Variants in FRYL observed in about 807,000 individuals in gnomAD.
The protein encoded by FRYL is protein furry homolog-like.
FRYL carries 150 observed loss-of-function variants against 351.2 expected under a neutral mutation model. The observed-to-expected ratio is 0.43, with a 90% CI of 0.37 to 0.49. The LOEUF is 0.49. FRYL is among the 20% of genes least tolerant of loss of function. FRYL has a pLI of 0.00. For missense variants in FRYL, 3,036 were observed against 3,619.3 expected, an observed-to-expected ratio of 0.84 and a Z score of 4.13; for synonymous variants, 1,153 against 1,257.1, an observed-to-expected ratio of 0.92 and a Z score of 1.75.
At chr4:48,775,587 C>G (rs1173639990) in intron 1 of FRYL, among the ~76,000 whole-genome samples, 1 of 152,170 alleles carries the variant, frequency 6.6e-6, no homozygotes, top group East Asian at 1.9e-4. Context: ...CTGTAGCCCC[C>G]TTTTTATAAT....
intron 7 of FRYL, among the ~76,000 whole-genome samples, chr4:48,611,875 A>G (rs1309323386): frequency 2.0e-5 from 3 of 152,194 alleles, no homozygotes; most frequent in Non-Finnish European, 4.4e-5. Flanking sequence ...CTTGATGGGA[A>G]AAAGATTAAG....
At chr4:48,550,215 G>T (rs578180740) in intron 38 of FRYL, among the ~76,000 whole-genome samples, 3 of 152,270 alleles carry the variant, frequency 2.0e-5, no homozygotes, top group African/African-American at 7.2e-5. Flanking sequence ...TAACGTTATA[G>T]TGAAACTTGG....
chr4:48,654,020 C>T (rs960081665), intron 3 of FRYL: 10 of 879,668 alleles, frequency 1.1e-5, no homozygotes, highest in Middle Eastern at 5.1e-4. Context: ...TGAATAAAAG[C>T]TTACAAGTTT....
intron 3 of FRYL, among the ~76,000 whole-genome samples, chr4:48,658,522 A>G (rs1759721102): frequency 6.8e-6 from 1 of 146,878 alleles, no homozygotes; most frequent in Non-Finnish European, 1.5e-5. Context: ...GGACTGCTTG[A>G]GCCCAGGAGT....
Position 48,561,459 on chromosome 4 carries a change from T to C in FRYL, c.3865+9A>G, listed in dbSNP as rs373300892. The stretch of plus-strand genomic sequence containing the variant: ...AAATAGAAACTACTAACCAGTTCAT[T>C]GATCATACCTGAGAATATGGCGAGA... On this transcript the variant is annotated intron_variant, in intron 33 of 63. Coordinates refer to ENST00000358350, the MANE Select transcript of FRYL (RefSeq NM_015030.2). The C allele has an allele frequency of 1.3e-6, 2 of 1,536,962 alleles. No homozygotes were observed. The highest frequency in any genetic ancestry group is 1.4e-5 in the African/African-American group (1 of 73,010).
chr4:48,750,916 A>C (rs1163670913), intron 1 of FRYL, among the ~76,000 whole-genome samples: 2 of 152,218 alleles, frequency 1.3e-5, no homozygotes. Context: ...CCAGACTCCC[A>C]GCAGACTTCC....
chr4:48,559,754 G>T (rs769620696), intron 33 of FRYL, among the ~76,000 whole-genome samples: 13 of 151,436 alleles, frequency 8.6e-5, no homozygotes, highest in Non-Finnish European at 1.5e-4. Flanking sequence ...AAAAAGGGAC[G>T]GAAGGCAAGA....
intron 53 of FRYL, among the ~76,000 whole-genome samples, chr4:48,524,524 T>C (rs1474607677): frequency 1.3e-5 from 2 of 152,238 alleles, no homozygotes; most frequent in African/African-American, 4.8e-5. Flanking sequence ...TTTTCATTAG[T>C]GGTTAAGTTT....
chr4:48,740,445 C>T (rs1176352307), intron 1 of FRYL, among the ~76,000 whole-genome samples: 1 of 151,980 alleles, frequency 6.6e-6, no homozygotes, highest in Non-Finnish European at 1.5e-5. Flanking sequence ...CAGGTGCGCA[C>T]CACCATGCCT....
At chr4:48,514,120 C>CT (rs1338534218) in intron 56 of FRYL, among the ~76,000 whole-genome samples, 2 of 151,982 alleles carry the variant, frequency 1.3e-5, no homozygotes, top group African/African-American at 4.8e-5. Flanking sequence ...TGTTAAAACT[C>CT]TATTATCACA....
chr4:48,525,750 T>G (rs560004721), intron 53 of FRYL, among the ~76,000 whole-genome samples: 2 of 151,316 alleles, frequency 1.3e-5, no homozygotes, highest in South Asian at 4.2e-4. Flanking sequence ...TACATGAGAG[T>G]TGATGGATGT....
chr4:48,541,135 A>G (rs1430691131), intron 45 of FRYL, among the ~76,000 whole-genome samples, 175 bp from the exon 46 acceptor site: 1 of 152,238 alleles, frequency 6.6e-6, no homozygotes, highest in Admixed American at 6.5e-5. Context: ...GAAAATGTAC[A>G]ACAGTATCTT....
In FRYL at chr4:48,512,595, G is replaced by A. The variant is rs375145723; in HGVS notation, c.8031C>T (p.Pro2677=). 44 of 1,613,798 alleles carry A rather than the reference G, an allele frequency of 2.7e-5. No individual in the cohort carries two copies. Among genetic ancestry groups the A allele is most frequent in the Admixed American group, 2.0e-4 (12 of 59,984 alleles). The change falls in exon 57 of 64, where the codon CCC becomes CCT. Residue 2677 remains proline, a synonymous_variant. Transcript: ENST00000358350. ...CTTCCTCTTCATCATCATATGCCAC[G>A]GGCTGAAAGGCGGCTATGATGGCAG... ...FLSAIIAAFQ[P]VAYDDEEEAW...
chr4:48,752,156 C>A (rs1773317007), intron 1 of FRYL, among the ~76,000 whole-genome samples: 1 of 152,280 alleles, frequency 6.6e-6, no homozygotes, highest in South Asian at 2.1e-4. Flanking sequence ...TGTGGAGGTG[C>A]ACCACTCACA....
At chr4:48,680,186 G>T (rs937062981) in intron 3 of FRYL, among the ~76,000 whole-genome samples, 2 of 151,612 alleles carry the variant, frequency 1.3e-5, no homozygotes, top group Admixed American at 6.6e-5. Context: ...CTTGCAGAGG[G>T]TTTACAGAAA....
chr4:48,704,176 C>T (rs1373256195), intron 2 of FRYL, among the ~76,000 whole-genome samples: 1 of 151,686 alleles, frequency 6.6e-6, no homozygotes, highest in Non-Finnish European at 1.5e-5. Flanking sequence ...AAAAAGAAAA[C>T]AAAGACAAGA....
At chr4:48,664,059 T>C (rs1281547880) in intron 3 of FRYL, among the ~76,000 whole-genome samples, 1 of 152,308 alleles carries the variant, frequency 6.6e-6, no homozygotes. Flanking sequence ...TGAATCTTTA[T>C]GCTCAAGCCC....
chr4:48,556,910 C>T (rs569449591), intron 35 of FRYL, 68 bp downstream of exon 35: 1 of 1,375,706 alleles, frequency 7.3e-7, no homozygotes, highest in Non-Finnish European at 9.8e-7. Flanking sequence ...GCTGCCCATA[C>T]TCTGACATCA....
intron 3 of FRYL, among the ~76,000 whole-genome samples, chr4:48,673,114 T>C (rs1418974842): frequency 6.6e-6 from 1 of 152,202 alleles, no homozygotes; most frequent in Non-Finnish European, 1.5e-5. Flanking sequence ...ATGAAGCCAT[T>C]AACACTTTGT....
Sources: gnomAD v4.1 joint callset for allele counts (sites outside exome capture counted in the v4.1 genomes callset) on GRCh38, gnomAD v4.1.1 for gene constraint, MANE v1.5 for transcripts, NCBI Gene and HGNC (gene_info 2026-07-23, HGNC 2026-07-21) for gene names.